The following CAPZB variants were observed in gnomAD, a reference collection of about 807,000 sequenced individuals.
CAPZB encodes F-actin-capping protein subunit beta.
CAPZB carries 2 observed loss-of-function variants against 38.1 expected under a neutral mutation model. The observed-to-expected ratio is 0.05, with a 90% confidence interval of 0.02 to 0.17. The LOEUF is 0.17. CAPZB is among the 10% of genes least tolerant of loss of function. The probability of loss-of-function intolerance (pLI) is 1.00; values close to 1 mark genes in which losing one functional copy is unlikely to be tolerated. For synonymous variants in CAPZB, 107 were observed against 127.4 expected (o/e 0.84, Z 1.08); for missense variants, 161 against 334.2 (o/e 0.48, Z 4.04).
At chr1:19,400,003 G>C (rs2094294310) in intron 2 of CAPZB, among the ~76,000 whole-genome samples, 2 of 152,214 alleles carry the variant, frequency 1.3e-5, no homozygotes, top group African/African-American at 4.8e-5. Flanking sequence ...TCACAAGAAG[G>C]GGAAGAAGGA....
At chr1:19,448,786 G>T (rs373139922) in intron 1 of CAPZB, 23 of 1,608,950 alleles carry the variant, frequency 1.4e-5, no homozygotes, top group Non-Finnish European at 1.9e-5. Flanking sequence ...TGATGGCCAC[G>T]GCCACCTGTT....
intron 8 of CAPZB, among the ~76,000 whole-genome samples, chr1:19,341,512 G>A (rs751956449): frequency 6.6e-6 from 1 of 152,196 alleles, no homozygotes; most frequent in Non-Finnish European, 1.5e-5. Flanking sequence ...GGCGGAAGGA[G>A]CAGGGGGCTT....
At position 19,462,927 on chromosome 1, in the gene CAPZB, C is replaced by CTCT. The variant is rs2094556796; in HGVS notation, c.3+22508_3+22509insAGA. Among the ~76,000 whole-genome samples the CTCT allele has an allele frequency of 7.2e-5, 11 of 152,320 alleles. No individual in the cohort carries two copies. The South Asian group carries it at 2.3e-3, about 32-fold the overall frequency. On this transcript the variant is annotated intron_variant, in intron 1 of 8. Coordinates refer to ENST00000264202, the MANE Select transcript of CAPZB (RefSeq NM_004930.5). ...TCACACTAGCCACATTTCAAGTGCT[C>CTCT]AAGAGCTGTATGTGGATAGTGATTA...
At chr1:19,483,543 G>A (rs1290852425) in intron 1 of CAPZB, among the ~76,000 whole-genome samples, 1 of 152,242 alleles carries the variant, frequency 6.6e-6, no homozygotes, top group Non-Finnish European at 1.5e-5. Context: ...TCAGATGAGA[G>A]CTGAGTACAA....
At chr1:19,343,515 C>T (rs562270376) in intron 8 of CAPZB, among the ~76,000 whole-genome samples, 1 of 152,244 alleles carries the variant, frequency 6.6e-6, no homozygotes, top group African/African-American at 2.4e-5. Context: ...ATCATCTCAG[C>T]CGACCGTGCC....
Position 19,484,584 on chromosome 1 carries a change from C to T in CAPZB, c.3+852G>A, listed in dbSNP as rs560948396. ...AGAAGCGGCAACTGAGAAGGCACAG[C>T]ACCGGGACCACCCCATCCCTGATGG... On this transcript the variant is annotated intron_variant, in intron 1 of 8. Transcript: ENST00000264202. 3,206 of 1,232,746 alleles carry T rather than the reference C, an allele frequency of 2.6e-3. 12 individuals are homozygous for T. The highest frequency in any genetic ancestry group is 4.9e-3 in the Admixed American group (140 of 28,666). 76.4% of individuals were successfully genotyped at this position (1,232,746 alleles called of 1,614,324 possible). A position where few individuals can be genotyped will look rare whatever the true frequency, so the allele number is the denominator to read the frequency against.
Position 19,359,907 on chromosome 1 carries a change from A to G in CAPZB, c.330-2344T>C, listed in dbSNP as rs550680827. Among the ~76,000 whole-genome samples the G allele has an allele frequency of 4.2e-4, 64 of 152,352 alleles. 2 individuals carry two copies. The South Asian group carries it at 8.5e-3, about 20-fold the overall frequency. ...CATTTCCTTTATTCCGGTCTGCTCC[A>G]AAGTCCCCATTCTTGGGGCGAGGCG... is the stretch of plus-strand genomic sequence containing the variant. On this transcript the variant is annotated intron_variant, in intron 4 of 8. Transcript: ENST00000264202.
chr1:19,357,469 T>C lies in CAPZB; in HGVS notation c.424A>G (p.Lys142Glu), dbSNP rs1237566703. Residue 142 changes from lysine (K) to glutamate (E), a missense_variant, in exon 5 of 9, where the codon AAG becomes GAG. Lys to Glu is a moderately conservative substitution (Grantham distance 56, BLOSUM62 1). Transcript: ENST00000264202. The surrounding 1 kb of genome is among the most constrained non-coding windows in gnomAD (Gnocchi z 4.3). ...ILIKKAGDGS[K>E]KIKGCWDSIH... ...GAATCCCAGCAGCCTTTGATCTTCT[T>C]TGATCCATCTCCAGCCTTCTTTATG... 6.2e-7 allele frequency: 1 copy of C among 1,613,910 alleles called. No individual in the cohort carries two copies. The highest frequency in any genetic ancestry group is 8.5e-7 in the Non-Finnish European group (1 of 1,180,016).
intron 6 of CAPZB, among the ~76,000 whole-genome samples, chr1:19,345,619 A>T (rs1212525548): frequency 6.6e-6 from 1 of 152,276 alleles, no homozygotes; most frequent in Non-Finnish European, 1.5e-5. Flanking sequence ...TGGCAGGCCC[A>T]GGCCCACGCT....
At chr1:19,458,567 G>C (rs945377359) in intron 1 of CAPZB, among the ~76,000 whole-genome samples, 3 of 152,222 alleles carry the variant, frequency 2.0e-5, no homozygotes, top group Non-Finnish European at 2.9e-5. Flanking sequence ...TGTTGGGCAG[G>C]CTGGTCTTTA....
In CAPZB at chr1:19,394,582, G is replaced by A. The variant is rs540738999; in HGVS notation, c.94-8956C>T. On this transcript the variant is annotated intron_variant, in intron 2 of 8. Transcript: ENST00000264202. ...CTAAAAATACAAAAATTAGCCGGGC[G>A]TGGTGGCGCAGGCCTGTAATCAGCT... 1.8e-4 allele frequency among the ~76,000 whole-genome samples: 27 copies of A among 152,272 alleles called. No homozygotes were observed. In the South Asian group the frequency reaches 4.8e-3, roughly 27 times the overall value.
intron 3 of CAPZB, among the ~76,000 whole-genome samples, chr1:19,379,965 C>T (rs2094165204): frequency 6.6e-6 from 1 of 152,192 alleles, no homozygotes; most frequent in African/African-American, 2.4e-5. Context: ...TTTTCCGCAT[C>T]CCCTCCTGAC....
intron 6 of CAPZB, among the ~76,000 whole-genome samples, chr1:19,349,217 A>T (rs560220599): frequency 2.2e-4 from 33 of 152,220 alleles, no homozygotes; most frequent in South Asian, 6.2e-4. Context: ...CCCAGCTTCA[A>T]AAAGAACTTT....
chr1:19,431,379 T>G (rs755320915), intron 1 of CAPZB, among the ~76,000 whole-genome samples: 95 of 152,194 alleles, frequency 6.2e-4, no homozygotes, highest in Non-Finnish European at 9.7e-4. Context: ...AACCTGTAGT[T>G]TAATCATCAG....
intron 6 of CAPZB, among the ~76,000 whole-genome samples, chr1:19,355,655 G>A (rs1215902957): frequency 1.3e-5 from 2 of 152,218 alleles, no homozygotes; most frequent in African/African-American, 4.8e-5. Flanking sequence ...GAACGGAAGG[G>A]CATCCTTGCA....
At chr1:19,410,178 TC>T (rs1368397226) in intron 2 of CAPZB, among the ~76,000 whole-genome samples, 1 of 152,228 alleles carries the variant, frequency 6.6e-6, no homozygotes, top group Middle Eastern at 3.2e-3. Context: ...CCTGCTTGCC[TC>T]TTAGGTGACT....
chr1:19,347,008 A>AT (rs1558171394), intron 6 of CAPZB, among the ~76,000 whole-genome samples: 2 of 147,028 alleles, frequency 1.4e-5, no homozygotes, highest in African/African-American at 2.5e-5. Context: ...TTTTATTTTT[A>AT]TTTTTTATTT....
intron 2 of CAPZB, among the ~76,000 whole-genome samples, chr1:19,410,260 G>C (rs2094351517): frequency 1.3e-5 from 2 of 152,224 alleles, no homozygotes; most frequent in South Asian, 4.1e-4. Context: ...TAGGATGCCA[G>C]GGGAGATGGA....
intron 1 of CAPZB, among the ~76,000 whole-genome samples, chr1:19,446,906 G>A (rs2094497830): frequency 6.6e-6 from 1 of 152,060 alleles, no homozygotes; most frequent in Admixed American, 6.6e-5. Flanking sequence ...CATGATTTCA[G>A]TCTCTAAAAA....
Sources: allele counts gnomAD v4.1 joint callset (sites outside exome capture counted in the v4.1 genomes callset), GRCh38; gene constraint gnomAD v4.1.1; non-coding constraint Gnocchi (gnomAD v3.1); transcripts MANE v1.5; gene names NCBI Gene and HGNC (gene_info 2026-07-23, HGNC 2026-07-21).